MYO1D: variants seen among roughly 807,000 people sequenced by gnomAD.
The protein encoded by MYO1D is unconventional myosin-Id.
In MYO1D, 83 loss-of-function variants were observed where a neutral mutation model predicts 122.0. The ratio of observed to expected loss-of-function variants is 0.68; its 90% CI spans 0.57 to 0.82. MYO1D has a LOEUF of 0.82. Ranked by LOEUF, MYO1D falls within the 40% of genes least tolerant of loss-of-function variation. MYO1D has a pLI of 0.00. For missense variants in MYO1D, 1,157 were observed against 1,269.5 expected, an observed-to-expected ratio of 0.91 and a Z score of 1.35; for synonymous variants, 464 against 446.9, an observed-to-expected ratio of 1.04 and a Z score of -0.48.
At chr17:32,669,246 G>A (rs1325386229) in intron 16 of MYO1D, among the ~76,000 whole-genome samples, 2 of 152,120 alleles carry the variant, frequency 1.3e-5, no homozygotes, top group Non-Finnish European at 2.9e-5. Flanking sequence ...TGAGAAAAGT[G>A]CCCTCTCCTT....
chr17:32,837,700 A>T (rs917016426), intron 1 of MYO1D, among the ~76,000 whole-genome samples: 1 of 152,154 alleles, frequency 6.6e-6, no homozygotes, highest in Non-Finnish European at 1.5e-5. Context: ...ATCAGTTGAT[A>T]CTGGTGCCCA....
intron 21 of MYO1D, chr17:32,496,037 A>G (rs1327792672): frequency 6.6e-6 from 1 of 152,374 alleles, no homozygotes; most frequent in Non-Finnish European, 1.5e-5. Flanking sequence ...GGCCAAGGCC[A>G]GCATGCGCTG....
intron 14 of MYO1D, among the ~76,000 whole-genome samples, chr17:32,737,142 C>T (rs7217494): frequency 0.049 from 7,418 of 151,818 alleles, 580 homozygotes; most frequent in African/African-American, 0.17. Flanking sequence ...AAAAAGATAA[C>T]GAAGAAGAAA....
At chr17:32,500,770 G>A (rs967742821) in intron 21 of MYO1D, among the ~76,000 whole-genome samples, 7 of 152,176 alleles carry the variant, frequency 4.6e-5, no homozygotes, top group African/African-American at 9.6e-5. Context: ...ACTTTGGGAG[G>A]CCGAGGTGGG....
At chr17:32,822,928 A>G (rs1329528615) in intron 1 of MYO1D, among the ~76,000 whole-genome samples, 2 of 152,132 alleles carry the variant, frequency 1.3e-5, no homozygotes, top group Non-Finnish European at 2.9e-5. Context: ...ACATGTATAC[A>G]TATGTAACAA....
intron 14 of MYO1D, among the ~76,000 whole-genome samples, chr17:32,735,672 C>A (rs527358065): frequency 1.2e-3 from 186 of 151,986 alleles, no homozygotes; most frequent in African/African-American, 4.4e-3. Flanking sequence ...GTGGACTTGT[C>A]AATTTTTCCT....
intron 21 of MYO1D, among the ~76,000 whole-genome samples, chr17:32,534,090 T>C (rs1910589524): frequency 6.6e-6 from 1 of 152,246 alleles, no homozygotes; most frequent in Non-Finnish European, 1.5e-5. Context: ...TTAAATTTTT[T>C]CTTTATAAAG....
At chr17:32,733,446 T>C (rs2089663415) in intron 14 of MYO1D, among the ~76,000 whole-genome samples, 1 of 152,202 alleles carries the variant, frequency 6.6e-6, no homozygotes, top group Non-Finnish European at 1.5e-5. Flanking sequence ...AGCTCACTTA[T>C]GATTATAAAT....
At chr17:32,519,784 G>C (rs554578448) in intron 21 of MYO1D, among the ~76,000 whole-genome samples, 65 of 152,196 alleles carry the variant, frequency 4.3e-4, no homozygotes, top group African/African-American at 1.5e-3. Context: ...GAAAAGGAAG[G>C]GGATGGGGAC....
At chr17:32,733,129 T>C (rs1212602203) in intron 14 of MYO1D, among the ~76,000 whole-genome samples, 1 of 152,064 alleles carries the variant, frequency 6.6e-6, no homozygotes, top group Non-Finnish European at 1.5e-5. Flanking sequence ...CCTTGGCAAG[T>C]GTGGAATCCA....
chr17:32,610,907 C>T (rs2087692412), intron 20 of MYO1D, among the ~76,000 whole-genome samples: 1 of 152,164 alleles, frequency 6.6e-6, no homozygotes, highest in Non-Finnish European at 1.5e-5. Context: ...TCAAGGCTCC[C>T]CCTGCCCCTG....
At chr17:32,738,166 A>G in intron 14 of MYO1D, 87 bp downstream of exon 14, 4 of 1,200,356 alleles carry the variant, frequency 3.3e-6, no homozygotes, top group Non-Finnish European at 4.5e-6. Flanking sequence ...ATGATTACCT[A>G]AAAAGCAAAT....
chr17:32,687,518 T>A lies in MYO1D; in HGVS notation c.2121+24470A>T, dbSNP rs530152190. Among the ~76,000 whole-genome samples the A allele has an allele frequency of 3.7e-4, 56 of 152,042 alleles. No individual in the cohort carries two copies. The South Asian group carries it at 0.011, about 29-fold the overall frequency. ...GGCCTCGCCTGGCTAATTTTTAAAATTTTTTGTAGAGACAGGATCTCACCA... is the reference window on the plus strand; with the variant it reads ...GGCCTCGCCTGGCTAATTTTTAAAAATTTTTGTAGAGACAGGATCTCACCA... On this transcript the variant is annotated intron_variant, in intron 16 of 21. Coordinates refer to ENST00000318217, the MANE Select transcript of MYO1D (RefSeq NM_015194.3).
At chr17:32,774,094 C>T (rs922560226) in intron 4 of MYO1D, among the ~76,000 whole-genome samples, 1 of 152,148 alleles carries the variant, frequency 6.6e-6, no homozygotes, top group African/African-American at 2.4e-5. Flanking sequence ...ACCTCCCCTC[C>T]TCACACCCGA....
chr17:32,563,544 A>G (rs1010803183), intron 21 of MYO1D, among the ~76,000 whole-genome samples: 1 of 152,162 alleles, frequency 6.6e-6, no homozygotes, highest in African/African-American at 2.4e-5. Flanking sequence ...CTAAATATAT[A>G]AATGCATTGA....
intron 20 of MYO1D, among the ~76,000 whole-genome samples, chr17:32,612,886 A>G (rs2087721241): frequency 6.6e-6 from 1 of 151,742 alleles, no homozygotes; most frequent in South Asian, 2.1e-4. Context: ...TTCCCACCCC[A>G]GCCTCCCATG....
chr17:32,508,307 C>T (rs1157029031), intron 21 of MYO1D, among the ~76,000 whole-genome samples: 2 of 151,926 alleles, frequency 1.3e-5, no homozygotes, highest in African/African-American at 4.8e-5. Context: ...CAGAGTCTTG[C>T]TCTGTCACCC....
chr17:32,498,484 A>G (rs1474472382), intron 21 of MYO1D: 1 of 152,072 alleles, frequency 6.6e-6, no homozygotes, highest in African/African-American at 2.4e-5. Context: ...CCATCAAACC[A>G]TCTACCCTCC....
chr17:32,556,440 A>G (rs2087069381), intron 21 of MYO1D, among the ~76,000 whole-genome samples: 1 of 152,190 alleles, frequency 6.6e-6, no homozygotes, highest in African/African-American at 2.4e-5. Flanking sequence ...AAGCCATTCT[A>G]GAATTGAACA....
Sources: gnomAD v4.1 joint callset for allele counts (sites outside exome capture counted in the v4.1 genomes callset) on GRCh38, gnomAD v4.1.1 for gene constraint, MANE v1.5 for transcripts, NCBI Gene and HGNC (gene_info 2026-07-23, HGNC 2026-07-21) for gene names.